UNKL: variants seen among roughly 807,000 people sequenced by gnomAD.
UNKL encodes the protein unk like zinc finger, also known as putative E3 ubiquitin-protein ligase UNKL.
A neutral mutation model predicts 78.0 loss-of-function variants in UNKL; 60 were observed. The observed-to-expected ratio is 0.77, with a 90% confidence interval of 0.63 to 0.95. The LOEUF is 0.95. Ranked by LOEUF, UNKL falls within the 40% of genes least tolerant of loss-of-function variation. UNKL has a pLI of 0.00. For missense variants in UNKL, 1,159 were observed against 1,045.7 expected (o/e 1.11, Z -1.49); for synonymous variants, 608 against 474.8 (o/e 1.28, Z -3.65).
chr16:1,393,725 T>C (rs1182249285), intron 7 of UNKL, among the ~76,000 whole-genome samples: 1 of 152,168 alleles, frequency 6.6e-6, no homozygotes, highest in Non-Finnish European at 1.5e-5. Flanking sequence ...GAGGTGGTGC[T>C]CCTGGGTGGG....
At chr16:1,404,974 G>C (rs889471764) in intron 2 of UNKL, among the ~76,000 whole-genome samples, 2 of 152,096 alleles carry the variant, frequency 1.3e-5, no homozygotes, top group Non-Finnish European at 2.9e-5. Context: ...CAGGAGGATT[G>C]CTTGAGGCTA....
At position 1,399,371 on chromosome 16, in the gene UNKL, C is replaced by A. The variant is rs1369952508; in HGVS notation, c.734+3G>T. On this transcript the variant is annotated splice_donor_region_variant and intron_variant, in intron 5 of 14. Coordinates refer to ENST00000389221, the MANE Select transcript of UNKL (RefSeq NM_001372107.1). The surrounding 1 kb of genome is among the most constrained non-coding windows in gnomAD (Gnocchi z 5.8). ...TCCTCTGAGCACGGTCCCGCAGGCT[C>A]ACCTGTACTGGAACCGCCGGGGGTT... 1 of 1,588,524 alleles carries A rather than the reference C, an allele frequency of 6.3e-7. No homozygotes were observed. Among genetic ancestry groups the A allele is most frequent in the Non-Finnish European group, 8.6e-7 (1 of 1,165,630 alleles).
intron 9 of UNKL, among the ~76,000 whole-genome samples, chr16:1,386,712 T>C (rs955516978): frequency 2.0e-5 from 3 of 152,178 alleles, no homozygotes; most frequent in Non-Finnish European, 4.4e-5. Flanking sequence ...TTAATGTGCA[T>C]TTCCTAAAGA....
At chr16:1,390,474 C>G (rs534029090) in intron 9 of UNKL, among the ~76,000 whole-genome samples, 158 bp downstream of exon 9, 1 of 152,308 alleles carries the variant, frequency 6.6e-6, no homozygotes, top group Non-Finnish European at 1.5e-5. Context: ...CTACAACAAG[C>G]GGACGTCAAC....
In UNKL at chr16:1,370,392, C is replaced by T. The variant is rs757574391; in HGVS notation, c.1358-35G>A. On this transcript the variant is annotated intron_variant, in intron 11 of 14. Transcript: ENST00000389221. Reference sequence around the variant, plus strand: ...GCGGACCAGTCAGCGAAGGGAGTACCGCCAGGCCTCTGCCCAAACATCTGC... The same window carrying T: ...GCGGACCAGTCAGCGAAGGGAGTACTGCCAGGCCTCTGCCCAAACATCTGC... 37 of 1,526,884 alleles carry T rather than the reference C, an allele frequency of 2.4e-5. 1 individual carries two copies. The South Asian group carries it at 3.1e-4, about 13-fold the overall frequency. The allele number at this position is 1,526,884 out of a possible 1,614,324, so 94.6% of individuals were successfully genotyped here. A position where few individuals can be genotyped will look rare whatever the true frequency, so the allele number is the denominator to read the frequency against.
At chr16:1,374,928 C>T (rs761413268) in intron 10 of UNKL, among the ~76,000 whole-genome samples, 1 of 152,246 alleles carries the variant, frequency 6.6e-6, no homozygotes, top group Non-Finnish European at 1.5e-5. Context: ...TGAAGAAGAA[C>T]GCTGCCCTAG....
At chr16:1,400,903 G>A (rs1293258087) in intron 4 of UNKL, among the ~76,000 whole-genome samples, 1 of 152,102 alleles carries the variant, frequency 6.6e-6, no homozygotes, top group Non-Finnish European at 1.5e-5. Context: ...TGGCCAGGCT[G>A]GCCTCAAACT....
chr16:1,401,579 G>A lies in UNKL; in HGVS notation c.587C>T (p.Pro196Leu), dbSNP rs1292859209. 1.9e-6 allele frequency: 3 copies of A among 1,588,230 alleles called. No homozygotes were observed. The highest frequency in any genetic ancestry group is 2.3e-5 in the East Asian group (1 of 44,022). The change falls in exon 4 of 15, where the codon CCC becomes CTC. Residue 196 changes from proline (P) to leucine (L), a missense_variant. Pro to Leu is a moderately conservative substitution (Grantham distance 98). Coordinates refer to ENST00000389221, the MANE Select transcript of UNKL (RefSeq NM_001372107.1). The part of the protein sequence containing the change: ...AMIEKILSED[P>L]RWQDANFVLG... ...GGCCGTGGAGTTACCTTGCCACCGG[G>A]GGTCCTCGCTCAGGATCTTCTCAAT...
At chr16:1,385,527 G>C (rs2142093029) in intron 9 of UNKL, 142 bp from the exon 10 acceptor site, 2 of 837,454 alleles carry the variant, frequency 2.4e-6, no homozygotes, top group Middle Eastern at 3.7e-4. Context: ...CCCAGACCCG[G>C]AGGGACTCTG....
At chr16:1,378,846 C>G (rs939213851) in intron 10 of UNKL, 1 of 152,272 alleles carries the variant, frequency 6.6e-6, no homozygotes, top group African/African-American at 2.4e-5. Context: ...TCCCAGAAAT[C>G]AAGGGGGGAG....
At chr16:1,381,527 G>A (rs565486769) in intron 10 of UNKL, among the ~76,000 whole-genome samples, 1 of 152,314 alleles carries the variant, frequency 6.6e-6, no homozygotes, top group East Asian at 1.9e-4. Flanking sequence ...GGCTGAGGAG[G>A]GAGAATCGCT....
At chr16:1,367,538 C>G in intron 13 of UNKL, 118 bp downstream of exon 13, 4 of 966,718 alleles carry the variant, frequency 4.1e-6, no homozygotes, top group Non-Finnish European at 5.7e-6. Context: ...CCCCCACACG[C>G]TCACCTGAGT....
At chr16:1,394,727 G>A (rs1350937333) in intron 6 of UNKL, among the ~76,000 whole-genome samples, 2 of 152,084 alleles carry the variant, frequency 1.3e-5, no homozygotes, top group South Asian at 2.1e-4. Context: ...GTAGCTCTCC[G>A]TAAAGGACAC....
At chr16:1,390,608 G>A in intron 9 of UNKL, 24 bp downstream of exon 9, 2 of 1,535,664 alleles carry the variant, frequency 1.3e-6, no homozygotes, top group Non-Finnish European at 1.7e-6. Context: ...AGGCACGAGG[G>A]TGGGAAACCT....
intron 10 of UNKL, 111 bp from the exon 11 acceptor site, chr16:1,371,722 G>A: frequency 1.5e-5 from 17 of 1,135,590 alleles, no homozygotes; most frequent in Non-Finnish European, 2.1e-5. Flanking sequence ...ACCAAGGGCA[G>A]AAGGCGTGGG....
At chr16:1,370,510 C>T (rs1417254212) in intron 11 of UNKL, among the ~76,000 whole-genome samples, 153 bp from the exon 12 acceptor site, 1 of 152,184 alleles carries the variant, frequency 6.6e-6, no homozygotes, top group Non-Finnish European at 1.5e-5. Context: ...CCACCACCAT[C>T]TATGTGTTTG....
intron 2 of UNKL, among the ~76,000 whole-genome samples, chr16:1,409,169 C>A (rs893190334): frequency 9.9e-5 from 15 of 152,210 alleles, no homozygotes; most frequent in Non-Finnish European, 1.9e-4. Flanking sequence ...GCCTCGGCCT[C>A]CCAAAGTGCT....
rs140926051 is a variant in UNKL, at chr16:1,398,925, G to A, written c.734+449C>T. The A allele has an allele frequency of 1.7e-5, 26 of 1,554,864 alleles. No individual in the cohort carries two copies. The Middle Eastern group carries it at 5.1e-4, about 30-fold the overall frequency. On this transcript the variant is annotated intron_variant, in intron 5 of 14. Transcript: ENST00000389221. ...GCCCTGGGACTCAGCCTAAGGACCC[G>A]GCGTCCCAGCTGCCAGCTGTGAAGA...
At chr16:1,376,822 C>A (rs565008234) in intron 10 of UNKL, among the ~76,000 whole-genome samples, 1 of 152,138 alleles carries the variant, frequency 6.6e-6, no homozygotes, top group Non-Finnish European at 1.5e-5. Flanking sequence ...ACAAGATTAA[C>A]TGGTAACATA....
Sources: allele counts gnomAD v4.1 joint callset (sites outside exome capture counted in the v4.1 genomes callset), GRCh38; gene constraint gnomAD v4.1.1; non-coding constraint Gnocchi (gnomAD v3.1); transcripts MANE v1.5; gene names NCBI Gene and HGNC (gene_info 2026-07-23, HGNC 2026-07-21).